Variants in UBE2E2 observed in about 807,000 individuals in gnomAD.
UBE2E2 encodes the protein ubiquitin-conjugating enzyme E2 E2.
In UBE2E2, 6 loss-of-function variants were observed where a neutral mutation model predicts 24.7. That is an observed-to-expected ratio of 0.24 (90% confidence interval 0.13 to 0.48). UBE2E2 has a LOEUF of 0.48. Ranked by LOEUF, UBE2E2 falls within the 20% of genes least tolerant of loss-of-function variation. UBE2E2 has a pLI of 0.99. For missense variants in UBE2E2, 169 were observed against 245.0 expected (o/e 0.69, Z 2.07); for synonymous variants, 104 against 83.6 (o/e 1.24, Z -1.33).
chr3:23,413,528 T>G (rs1200898660), intron 3 of UBE2E2, among the ~76,000 whole-genome samples: 1 of 152,130 alleles, frequency 6.6e-6, no homozygotes, highest in African/African-American at 2.4e-5. Flanking sequence ...CTTCTAATGT[T>G]TTTTCTTCAC....
intron 3 of UBE2E2, among the ~76,000 whole-genome samples, chr3:23,364,409 C>A (rs189915849): frequency 3.3e-5 from 5 of 151,904 alleles, no homozygotes; most frequent in Admixed American, 3.3e-4. Context: ...ACAGAAGATC[C>A]AAATAAACAG....
chr3:23,235,801 A>T (rs2125334771), intron 3 of UBE2E2, among the ~76,000 whole-genome samples: 1 of 152,080 alleles, frequency 6.6e-6, no homozygotes, highest in Non-Finnish European at 1.5e-5. Context: ...TGAGATGGGG[A>T]AGATTTCTGG....
At chr3:23,214,499 C>T (rs933519031) in intron 2 of UBE2E2, among the ~76,000 whole-genome samples, 2 of 151,808 alleles carry the variant, frequency 1.3e-5, no homozygotes, top group East Asian at 1.9e-4. Flanking sequence ...GATCCTCCTG[C>T]GTCTGCCTCC....
chr3:23,216,481 G>T (rs1291445679), intron 2 of UBE2E2, among the ~76,000 whole-genome samples: 1 of 152,124 alleles, frequency 6.6e-6, no homozygotes, highest in Non-Finnish European at 1.5e-5. Context: ...CAAAGGAGAA[G>T]AAACGGTTTT....
intron 4 of UBE2E2, among the ~76,000 whole-genome samples, chr3:23,524,575 T>A (rs1694948117): frequency 6.6e-6 from 1 of 152,216 alleles, no homozygotes. Context: ...ACCCATATAT[T>A]CTTTCCACAA....
chr3:23,549,467 A>T (rs1695594177), intron 5 of UBE2E2, among the ~76,000 whole-genome samples: 1 of 152,236 alleles, frequency 6.6e-6, no homozygotes, highest in African/African-American at 2.4e-5. Context: ...GACCTAAGTT[A>T]TACTGAGTTT....
intron 5 of UBE2E2, among the ~76,000 whole-genome samples, chr3:23,577,883 T>G (rs552317996): frequency 2.0e-5 from 3 of 152,106 alleles, no homozygotes; most frequent in Admixed American, 1.3e-4. Flanking sequence ...CTAGGACCCT[T>G]AAAAACTTGC....
At chr3:23,258,187 AATTTAC>A (rs1697788940) in intron 3 of UBE2E2, among the ~76,000 whole-genome samples, 1 of 152,236 alleles carries the variant, frequency 6.6e-6, no homozygotes, top group Non-Finnish European at 1.5e-5. Context: ...TAAGATCAAG[AATTTAC>A]ATTGGATTAG....
At chr3:23,547,146 T>G (rs1695543430) in intron 5 of UBE2E2, among the ~76,000 whole-genome samples, 1 of 152,220 alleles carries the variant, frequency 6.6e-6, no homozygotes. Context: ...GCTCACTATT[T>G]GGGTTTATTT....
intron 3 of UBE2E2, among the ~76,000 whole-genome samples, chr3:23,405,571 T>A (rs1377767710): frequency 6.6e-6 from 1 of 152,158 alleles, no homozygotes; most frequent in Non-Finnish European, 1.5e-5. Flanking sequence ...TCAAGAATTC[T>A]AAAAAGTCAC....
At chr3:23,576,371 G>A (rs1696347479) in intron 5 of UBE2E2, among the ~76,000 whole-genome samples, 1 of 152,016 alleles carries the variant, frequency 6.6e-6, no homozygotes. Flanking sequence ...AAGAATCCAA[G>A]AAATGGCAAA....
chr3:23,270,442 G>GA (rs1698207349), intron 3 of UBE2E2, among the ~76,000 whole-genome samples: 1 of 152,108 alleles, frequency 6.6e-6, no homozygotes, highest in African/African-American at 2.4e-5. Context: ...CCTCAGGTAG[G>GA]AACCTGGAAC....
At chr3:23,382,176 T>A (rs1029647776) in intron 3 of UBE2E2, among the ~76,000 whole-genome samples, 1 of 122,380 alleles carries the variant, frequency 8.2e-6, no homozygotes, top group African/African-American at 3.1e-5. Context: ...ACGAATACTT[T>A]AATTTTTTTT....
At chr3:23,355,806 C>T (rs1695929263) in intron 3 of UBE2E2, among the ~76,000 whole-genome samples, 1 of 152,204 alleles carries the variant, frequency 6.6e-6, no homozygotes, top group African/African-American at 2.4e-5. Context: ...AGGAGAAGAA[C>T]TATGCTACGA....
At chr3:23,281,208 G>A (rs1454648776) in intron 3 of UBE2E2, among the ~76,000 whole-genome samples, 4 of 152,144 alleles carry the variant, frequency 2.6e-5, no homozygotes, top group Non-Finnish European at 4.4e-5. Context: ...TAACACTTAC[G>A]TTAGTGAGGA....
At chr3:23,315,397 C>G (rs1367047899) in intron 3 of UBE2E2, among the ~76,000 whole-genome samples, 1 of 148,546 alleles carries the variant, frequency 6.7e-6, no homozygotes, top group Non-Finnish European at 1.5e-5. Context: ...TTGATGAATT[C>G]TATTATGAGA....
At chr3:23,531,671 A>C (rs1559413258) in intron 4 of UBE2E2, among the ~76,000 whole-genome samples, 1 of 152,266 alleles carries the variant, frequency 6.6e-6, no homozygotes, top group Non-Finnish European at 1.5e-5. Flanking sequence ...AACTAGTAAT[A>C]TAACTAAAAT....
intron 3 of UBE2E2, among the ~76,000 whole-genome samples, chr3:23,413,945 AT>A (rs1694492513): frequency 6.6e-6 from 1 of 152,182 alleles, no homozygotes; most frequent in African/African-American, 2.4e-5. Context: ...ATATCTGTAT[AT>A]CTTGGTTTTT....
chr3:23,400,015 A>C (rs915828048), intron 3 of UBE2E2, among the ~76,000 whole-genome samples: 1 of 152,168 alleles, frequency 6.6e-6, no homozygotes, highest in African/African-American at 2.4e-5. Flanking sequence ...TTAGAGCATG[A>C]AAAAAGCAAA....
Sources: gnomAD v4.1 joint callset for allele counts (sites outside exome capture counted in the v4.1 genomes callset) on GRCh38, gnomAD v4.1.1 for gene constraint, MANE v1.5 for transcripts, NCBI Gene and HGNC (gene_info 2026-07-23, HGNC 2026-07-21) for gene names.